The following CBR4 variants were observed in gnomAD, a reference collection of about 807,000 sequenced individuals.
CBR4 encodes the protein carbonyl reductase 4.
CBR4 carries 22 observed loss-of-function variants against 21.0 expected under a neutral mutation model. The observed-to-expected ratio is 1.05, with a 90% CI of 0.75 to 1.50. CBR4 has a LOEUF of 1.50. Among genes scored for constraint, CBR4 ranks in the 40% most tolerant of loss-of-function variants. CBR4 has a pLI of 0.00. For missense variants in CBR4, 302 were observed against 286.3 expected (o/e 1.05, Z -0.40); for synonymous variants, 100 against 104.4 (o/e 0.96, Z 0.26).
At chr4:168,920,367 A>C (rs1548315) in intron 2 of CBR4, among the ~76,000 whole-genome samples, 106,027 of 152,168 alleles carry the variant, frequency 0.7, 38,381 homozygotes, top group East Asian at 0.96. Context: ...CTTGCAGGTA[A>C]TATCAGTTGA....
At chr4:169,002,780 A>G (rs1484004040) in intron 3 of CBR4, among the ~76,000 whole-genome samples, 1 of 151,120 alleles carries the variant, frequency 6.6e-6, no homozygotes, top group Non-Finnish European at 1.5e-5. Context: ...GGCTTGTAGC[A>G]ACCTTGCAAC....
At chr4:168,966,469 G>C (rs778081608) in intron 2 of CBR4, among the ~76,000 whole-genome samples, 3 of 151,598 alleles carry the variant, frequency 2.0e-5, no homozygotes, top group Non-Finnish European at 4.4e-5. Context: ...GGAGCTTGCA[G>C]TGAGCCGAGA....
At chr4:168,896,439 C>T in intron 2 of CBR4, 1 of 704,002 alleles carries the variant, frequency 1.4e-6, no homozygotes, top group Non-Finnish European at 2.5e-6. Context: ...ACCGTTACTA[C>T]CAAACGCATA....
intron 2 of CBR4, among the ~76,000 whole-genome samples, chr4:168,916,984 T>C (rs1760265784): frequency 6.6e-6 from 1 of 150,542 alleles, no homozygotes; most frequent in African/African-American, 2.4e-5. Context: ...TTTCTAATTC[T>C]AAGATAAGTT....
downstream of CBR4, among the ~76,000 whole-genome samples, chr4:168,985,583 G>C (rs1367944609): frequency 6.6e-6 from 1 of 152,020 alleles, no homozygotes; most frequent in East Asian, 1.9e-4. Flanking sequence ...GAAGACTCAT[G>C]CCCTCATTGC....
intron 2 of CBR4, among the ~76,000 whole-genome samples, chr4:168,937,636 CAA>C (rs139482274): frequency 1.4e-3 from 193 of 138,730 alleles, no homozygotes; most frequent in Middle Eastern, 7.1e-3. Flanking sequence ...ATAAAAAAAG[CAA>C]AAAAAAAAAA....
intron 2 of CBR4, among the ~76,000 whole-genome samples, chr4:168,930,550 A>G (rs1762946665): frequency 1.3e-5 from 2 of 152,200 alleles, no homozygotes; most frequent in Admixed American, 6.5e-5. Context: ...ATGGCTGACT[A>G]GAGGTTCCTG....
At chr4:168,921,476 C>T in intron 2 of CBR4, 1 of 1,136,218 alleles carries the variant, frequency 8.8e-7, no homozygotes, top group Non-Finnish European at 1.3e-6. Context: ...TTCTTAGCTA[C>T]CAGTGATTTC....
chr4:168,911,116 T>A (rs1758857506), intron 2 of CBR4, among the ~76,000 whole-genome samples: 1 of 152,164 alleles, frequency 6.6e-6, no homozygotes, highest in South Asian at 2.1e-4. Flanking sequence ...CCTTAAAACA[T>A]CCTTGTGAGA....
At position 168,898,523 on chromosome 4, in the gene CBR4, C is replaced by T. The variant is rs1755765703; in HGVS notation, n.170-3758G>A. 4 of 1,613,450 alleles carry T rather than the reference C, an allele frequency of 2.5e-6. No homozygotes were observed. The highest frequency in any genetic ancestry group is 3.4e-6 in the Non-Finnish European group (4 of 1,179,366). ...CAAAGTCTCCAGCTGTGAACAGAGA[C>T]TCATCAGTGAAATAGAGTACAGGCT... On this transcript the variant is annotated intron_variant and non_coding_transcript_variant, in intron 2 of 3. Coordinates refer to the CBR4 transcript ENST00000509108.
At position 168,934,681 on chromosome 4, in the gene CBR4, A is replaced by G. The variant is rs148709650; in HGVS notation, n.170-39916T>C. 6.0e-3 allele frequency among the ~76,000 whole-genome samples: 912 copies of G among 152,278 alleles called. 14 individuals carry two copies. Among genetic ancestry groups the G allele is most frequent in the African/African-American group, 0.021 (866 of 41,578 alleles). ...AAAAAGTAATGATAATAAATCAGTAATAAAAAGCCTCCCAACAAGGAAAAA... is the reference window on the plus strand; with the variant it reads ...AAAAAGTAATGATAATAAATCAGTAGTAAAAAGCCTCCCAACAAGGAAAAA... On this transcript the variant is annotated intron_variant and non_coding_transcript_variant, in intron 2 of 3. Transcript: ENST00000509108.
chr4:168,985,980 A>C (rs1013026501), downstream of CBR4, among the ~76,000 whole-genome samples: 17 of 152,030 alleles, frequency 1.1e-4, no homozygotes, highest in African/African-American at 3.9e-4. Context: ...CTGGGTGACA[A>C]AATTATCTGT....
chr4:168,991,684 A>G (rs1764931715), intron 4 of CBR4, among the ~76,000 whole-genome samples: 1 of 152,230 alleles, frequency 6.6e-6, no homozygotes, highest in Non-Finnish European at 1.5e-5. Flanking sequence ...ATCTTACAAG[A>G]TTAATACAGG....
chr4:169,009,018 G>A (rs1253231864), intron 1 of CBR4: 1 of 452,796 alleles, frequency 2.2e-6, no homozygotes, highest in Non-Finnish European at 4.4e-6. Flanking sequence ...AGTAAATCAG[G>A]AGTTGGGGTC....
rs1578986258 is a variant in CBR4, at chr4:168,987,842, T to C, written c.*2308A>G. On this transcript the variant is annotated 3_prime_UTR_variant, in exon 5 of 5. Coordinates refer to ENST00000306193, the MANE Select transcript of CBR4 (RefSeq NM_032783.5). ...AATTTATAACATATAATTATCTCCC[T>C]AAAAAGCAGTTACAAACCATAAATT... The C allele has an allele frequency of 3.1e-6, 3 of 978,450 alleles. No individual in the cohort carries two copies. The highest frequency in any genetic ancestry group is 3.6e-6 in the Non-Finnish European group (3 of 824,058). 60.6% of individuals were successfully genotyped at this position (978,450 alleles called of 1,614,324 possible). A position where few individuals can be genotyped will look rare whatever the true frequency, so the allele number is the denominator to read the frequency against.
At chr4:168,928,664 TG>T (rs36024656) in intron 2 of CBR4, among the ~76,000 whole-genome samples, 15 of 152,086 alleles carry the variant, frequency 9.9e-5, no homozygotes, top group Admixed American at 9.8e-4. Flanking sequence ...AAAATTCAAG[TG>T]GTTGTGATAG....
intron 2 of CBR4, among the ~76,000 whole-genome samples, chr4:168,943,374 A>T (rs942749197): frequency 1.3e-5 from 2 of 152,212 alleles, no homozygotes; most frequent in African/African-American, 4.8e-5. Flanking sequence ...AAAGGCTATC[A>T]ATAACCAAGG....
intron 2 of CBR4, among the ~76,000 whole-genome samples, chr4:168,956,316 G>A (rs942382584): frequency 6.6e-6 from 1 of 152,066 alleles, no homozygotes; most frequent in African/African-American, 2.4e-5. Flanking sequence ...TCAAGAGTAA[G>A]GGAAATAGGC....
chr4:168,977,333 T>C (rs1764403420), intron 2 of CBR4, among the ~76,000 whole-genome samples: 1 of 152,218 alleles, frequency 6.6e-6, no homozygotes, highest in South Asian at 2.1e-4. Context: ...GTTTATTTCA[T>C]CAGCTTCTAG....
Sources: allele counts gnomAD v4.1 joint callset (sites outside exome capture counted in the v4.1 genomes callset), GRCh38; gene constraint gnomAD v4.1.1; transcripts MANE v1.5; gene names NCBI Gene and HGNC (gene_info 2026-07-23, HGNC 2026-07-21).